IGFL2: variants seen among roughly 807,000 people sequenced by gnomAD.
IGFL2 encodes insulin growth factor-like family member 2.
IGFL2 carries 7 observed loss-of-function variants against 13.9 expected under a neutral mutation model. The ratio of observed to expected loss-of-function variants is 0.51; its 90% confidence interval spans 0.29 to 0.95. The LOEUF (loss-of-function observed/expected upper bound fraction) is 0.95. IGFL2 is among the 40% of genes least tolerant of loss of function. The pLI is 0.08. For missense variants in IGFL2, 138 were observed against 147.8 expected, an observed-to-expected ratio of 0.93 and a Z score of 0.34; for synonymous variants, 55 against 55.8, an observed-to-expected ratio of 0.99 and a Z score of 0.07.
the IGFL2 span, among the ~76,000 whole-genome samples, chr19:46,185,624 T>G: frequency 1.3e-5 from 2 of 152,216 alleles, no homozygotes; most frequent in South Asian, 4.1e-4. Flanking sequence ...GGTCCTTAAT[T>G]TCTTCTGAAG....
chr19:46,167,539 C>T, the IGFL2 span, among the ~76,000 whole-genome samples: 3 of 152,156 alleles, frequency 2.0e-5, no homozygotes, highest in African/African-American at 7.2e-5. Context: ...AAGACTAGAG[C>T]AGCTGTGTGC....
the IGFL2 span, chr19:46,124,126 C>A: frequency 6.2e-7 from 1 of 1,611,112 alleles, no homozygotes. Context: ...TGTCGGCTGG[C>A]ACAGCCACAG....
chr19:46,198,452 A>T, the IGFL2 span: 10 of 152,220 alleles, frequency 6.6e-5, no homozygotes, highest in East Asian at 1.4e-3. Context: ...CCTGGAAAAA[A>T]AAATAAATTC....
chr19:46,108,472 G>C, the IGFL2 span, among the ~76,000 whole-genome samples: 1 of 152,148 alleles, frequency 6.6e-6, no homozygotes, highest in African/African-American at 2.4e-5. Context: ...TTAGGTTTTA[G>C]GTCAGGTGAG....
rs10402662 is a variant in IGFL2, at chr19:46,160,273, T to G, written c.20-142T>G. ...TGGACTCTTAACTGTGTCAGTTAGA[T>G]CCTATGCAAAGATAGTTCCAAACCC... On this transcript the variant is annotated intron_variant, in intron 1 of 3. Transcript: ENST00000377693. 6,302 of 699,284 alleles carry G rather than the reference T, an allele frequency of 9.0e-3. 263 individuals are homozygous for G. In the African/African-American group the frequency reaches 0.094, roughly 10 times the overall value. 43.3% of individuals were successfully genotyped at this position (699,284 alleles called of 1,614,324 possible). A position where few individuals can be genotyped will look rare whatever the true frequency, so the allele number is the denominator to read the frequency against.
the IGFL2 span, among the ~76,000 whole-genome samples, chr19:46,087,023 C>A: frequency 6.6e-6 from 1 of 152,122 alleles, no homozygotes; most frequent in African/African-American, 2.4e-5. Context: ...CAGTAGTGGG[C>A]TGAATGTGCC....
chr19:46,106,861 C>T, the IGFL2 span, among the ~76,000 whole-genome samples: 135 of 152,006 alleles, frequency 8.9e-4, no homozygotes, highest in Middle Eastern at 3.4e-3. Flanking sequence ...CATGATCAGT[C>T]GCCAAGGAGG....
At chr19:46,137,620 A>G in the IGFL2 span, 1 of 906,152 alleles carries the variant, frequency 1.1e-6, no homozygotes, top group East Asian at 2.8e-5. Flanking sequence ...GTCAGTGCAG[A>G]GGAGCAGGAC....
chr19:46,203,481 T>G, the IGFL2 span: 1 of 152,294 alleles, frequency 6.6e-6, no homozygotes. Context: ...TTACAGTTTT[T>G]GCTGCTGCTG....
chr19:46,152,811 T>C (rs1973578749), intron 1 of IGFL2, among the ~76,000 whole-genome samples: 1 of 152,206 alleles, frequency 6.6e-6, no homozygotes, highest in Admixed American at 6.5e-5. Flanking sequence ...ATGAGTTTAT[T>C]GTAGATGCTC....
chr19:46,137,421 G>A, the IGFL2 span: 1 of 1,025,298 alleles, frequency 9.8e-7, no homozygotes, highest in South Asian at 1.3e-5. Flanking sequence ...TGCTCGGAAG[G>A]ATGGACATTG....
At chr19:46,184,299 TGAG>T in the IGFL2 span, among the ~76,000 whole-genome samples, 1 of 152,166 alleles carries the variant, frequency 6.6e-6, no homozygotes, top group Non-Finnish European at 1.5e-5. Context: ...CTTTAAGTTC[TGAG>T]GTACATGTGC....
At chr19:46,097,184 G>T in the IGFL2 span, among the ~76,000 whole-genome samples, 4 of 152,058 alleles carry the variant, frequency 2.6e-5, no homozygotes, top group African/African-American at 9.7e-5. Context: ...TTACTGCCTC[G>T]ACTTCAGAAC....
chr19:46,212,605 A>T, the IGFL2 span: 13 of 141,756 alleles, frequency 9.2e-5, no homozygotes, highest in Admixed American at 7.8e-4. Flanking sequence ...ATGTCCTTGA[A>T]AATCTCAGGA....
At chr19:46,138,604 G>A (rs1192850386), upstream of IGFL2, among the ~76,000 whole-genome samples, 7 of 152,178 alleles carry the variant, frequency 4.6e-5, no homozygotes, top group Non-Finnish European at 1.0e-4. Flanking sequence ...GGTGAGAGGA[G>A]GCTTTGGCTG....
At chr19:46,097,202 T>C in the IGFL2 span, among the ~76,000 whole-genome samples, 1 of 152,254 alleles carries the variant, frequency 6.6e-6, no homozygotes, top group Non-Finnish European at 1.5e-5. Context: ...AACTTGTTAG[T>C]GGTCTATACA....
At chr19:46,136,785 C>T in the IGFL2 span, 215 of 653,386 alleles carry the variant, frequency 3.3e-4, 2 homozygotes, top group African/African-American at 3.3e-3. Context: ...CTCTCCAACC[C>T]GTTTGAGTGC....
chr19:46,115,471 A>G, the IGFL2 span, among the ~76,000 whole-genome samples: 6 of 152,222 alleles, frequency 3.9e-5, no homozygotes, highest in Non-Finnish European at 2.9e-5. Flanking sequence ...GGGAAGTAGC[A>G]GTTCTGGGTC....
At chr19:46,116,188 G>A in the IGFL2 span, among the ~76,000 whole-genome samples, 5 of 152,022 alleles carry the variant, frequency 3.3e-5, no homozygotes, top group Non-Finnish European at 7.4e-5. Context: ...CCATTAACTC[G>A]TAATTTACAT....
Sources: gnomAD v4.1 joint callset for allele counts (sites outside exome capture counted in the v4.1 genomes callset) on GRCh38, gnomAD v4.1.1 for gene constraint, MANE v1.5 for transcripts, NCBI Gene and HGNC (gene_info 2026-07-23, HGNC 2026-07-21) for gene names.